Variants in DCUN1D1 observed in about 807,000 individuals in gnomAD.
The protein encoded by DCUN1D1 is DCN1-like protein 1.
In DCUN1D1, 3 loss-of-function variants were observed where a neutral mutation model predicts 39.0. That is an observed-to-expected ratio of 0.08 (90% CI 0.04 to 0.20). The LOEUF (loss-of-function observed/expected upper bound fraction) is 0.20, where lower values mean the gene tolerates loss of function less well. Ranked by LOEUF, DCUN1D1 falls within the 10% of genes least tolerant of loss-of-function variation. DCUN1D1 has a pLI of 1.00. For synonymous variants in DCUN1D1, 82 were observed against 96.3 expected (o/e 0.85, Z 0.87); for missense variants, 158 against 302.4 (o/e 0.52, Z 3.54).
chr3:182,954,782 A>C (rs919948749), intron 4 of DCUN1D1, among the ~76,000 whole-genome samples: 3 of 152,176 alleles, frequency 2.0e-5, no homozygotes, highest in African/African-American at 7.2e-5. Flanking sequence ...ACCAAAAGGC[A>C]CTTACTGAGG....
At chr3:182,979,606 C>CG (rs1476456478) in intron 1 of DCUN1D1, among the ~76,000 whole-genome samples, 1 of 147,886 alleles carries the variant, frequency 6.8e-6, no homozygotes, top group Non-Finnish European at 1.5e-5. Context: ...TTTTTCCCCC[C>CG]CCCAAACAAA....
In DCUN1D1 at chr3:182,945,169, T is replaced by A; in HGVS notation, c.705A>T (p.Ala235=). The change falls in exon 7 of 7, where the codon GCA becomes GCT. Residue 235 remains alanine (A), a synonymous_variant. Transcript: ENST00000292782. ...DDMSNYDEEG[A]WPVLIDDFVE... ...CAAAGTCATCAATAAGAACAGGCCA[T>A]GCTCCTGGAAAAAAGAAAAAATATG... is the stretch of plus-strand genomic sequence containing the variant. The A allele has an allele frequency of 6.3e-7, 1 of 1,599,604 alleles. No individual in the cohort carries two copies. The highest frequency in any genetic ancestry group is 2.2e-5 in the East Asian group (1 of 44,692).
chr3:182,946,556 CAA>C (rs71185614), intron 6 of DCUN1D1, among the ~76,000 whole-genome samples: 140 of 61,532 alleles, frequency 2.3e-3, no homozygotes, highest in African/African-American at 9.7e-3. Flanking sequence ...GACTCCATCT[CAA>C]AAAAAAAAAA....
chr3:182,981,624 T>A (rs777825256), upstream of DCUN1D1, among the ~76,000 whole-genome samples: 1 of 152,222 alleles, frequency 6.6e-6, no homozygotes, highest in South Asian at 2.1e-4. Context: ...AGAGCTTACC[T>A]ACGTTTCAGA....
At chr3:182,965,798 TAA>T in intron 1 of DCUN1D1, 45 bp from the exon 2 acceptor site, 2 of 1,290,478 alleles carry the variant, frequency 1.5e-6, no homozygotes, top group Non-Finnish European at 1.1e-6. Flanking sequence ...TAAAATCACA[TAA>T]GACTAAATAT....
intron 6 of DCUN1D1, among the ~76,000 whole-genome samples, chr3:182,945,781 A>G (rs1726366862): frequency 6.6e-6 from 1 of 152,208 alleles, no homozygotes; most frequent in Non-Finnish European, 1.5e-5. Context: ...CGTTACTAAA[A>G]GGTGTAAAAT....
chr3:182,977,943 G>C (rs750772212), intron 1 of DCUN1D1, among the ~76,000 whole-genome samples: 1 of 151,586 alleles, frequency 6.6e-6, no homozygotes, highest in Non-Finnish European at 1.5e-5. Context: ...GGGAGGCTTA[G>C]GCTGGAGAAT....
Position 182,956,234 on chromosome 3 carries a change from T to C in DCUN1D1, c.520+4992A>G, listed in dbSNP as rs568416569. On this transcript the variant is annotated intron_variant, in intron 4 of 6. Coordinates refer to ENST00000292782, the MANE Select transcript of DCUN1D1 (RefSeq NM_020640.4). ...GAGCCACCATGCCCAGTTGAACTTG[T>C]CATTTTTGAAGCTAAATATATTCTG... 54 of 283,540 alleles carry C rather than the reference T, an allele frequency of 1.9e-4. No homozygotes were observed. The South Asian group carries it at 2.3e-3, about 12-fold the overall frequency. 17.6% of individuals were successfully genotyped at this position (283,540 alleles called of 1,614,324 possible). A position where few individuals can be genotyped will look rare whatever the true frequency, so the allele number is the denominator to read the frequency against.
Position 182,969,300 on chromosome 3 carries a change from G to A in DCUN1D1, c.4-3547C>T, listed in dbSNP as rs571836467. Among the ~76,000 whole-genome samples, 4 of 152,286 alleles carry A rather than the reference G, an allele frequency of 2.6e-5. No individual in the cohort carries two copies. The South Asian group carries it at 8.3e-4, about 32-fold the overall frequency. ...CCATCCCCTTTTCCTAAGCCACAAA[G>A]GTGTACCAGGCAGTGTTCTGATTTT... On this transcript the variant is annotated intron_variant, in intron 1 of 6. Coordinates refer to ENST00000292782, the MANE Select transcript of DCUN1D1 (RefSeq NM_020640.4).
At chr3:182,956,142 G>T (rs563914923) in intron 4 of DCUN1D1, 36 of 207,232 alleles carry the variant, frequency 1.7e-4, no homozygotes, top group African/African-American at 7.7e-4. Context: ...TGGTAAGGCC[G>T]GTCTCGAACG....
At chr3:182,974,753 T>G (rs1398167954) in intron 1 of DCUN1D1, among the ~76,000 whole-genome samples, 1 of 115,926 alleles carries the variant, frequency 8.6e-6, no homozygotes, top group Non-Finnish European at 2.1e-5. Context: ...TTCAAAAGTA[T>G]AATAGACTTT....
intron 1 of DCUN1D1, 116 bp from the exon 2 acceptor site, chr3:182,965,869 A>G (rs561778205): frequency 1.5e-6 from 1 of 673,738 alleles, no homozygotes; most frequent in East Asian, 2.7e-5. Context: ...ACATTAAAAC[A>G]TTTTAGCTTA....
chr3:182,943,262 T>G lies in DCUN1D1; in HGVS notation c.*1832A>C, dbSNP rs933903613. ...ATATATATAGATATATAGATATATA[T>G]ATCTTTTAAAAATTTTTCATAATTG... On this transcript the variant is annotated 3_prime_UTR_variant, in exon 7 of 7. Transcript: ENST00000292782. The G allele has an allele frequency of 1.5e-4, 23 of 149,146 alleles. No individual in the cohort carries two copies. The highest frequency in any genetic ancestry group is 5.1e-4 in the African/African-American group (21 of 40,972). 9.2% of individuals were successfully genotyped at this position (149,146 alleles called of 1,614,324 possible).
chr3:182,963,960 T>A lies in DCUN1D1; in HGVS notation c.310A>T (p.Ile104Phe). The A allele has an allele frequency of 6.2e-7, 1 of 1,614,076 alleles. No individual in the cohort carries two copies. The highest frequency in any genetic ancestry group is 1.1e-5 in the South Asian group (1 of 91,082). Residue 104 changes from isoleucine to phenylalanine, a missense_variant, in exon 3 of 7, where the codon ATT becomes TTT. By Grantham distance (21) the Ile-to-Phe change is conservative. Coordinates refer to ENST00000292782, the MANE Select transcript of DCUN1D1 (RefSeq NM_020640.4). Reference protein sequence around the residue: ...ALDPASISVLIIAWKFRAATQ... With the variant: ...ALDPASISVLFIAWKFRAATQ... ...GCTGCTCTGAACTTCCACGCAATAATCAACACACTAATGCTGGCTGGATCG... is the reference window on the plus strand; with the variant it reads ...GCTGCTCTGAACTTCCACGCAATAAACAACACACTAATGCTGGCTGGATCG...
chr3:182,975,697 A>C (rs1007779059), intron 1 of DCUN1D1, among the ~76,000 whole-genome samples: 1 of 150,890 alleles, frequency 6.6e-6, no homozygotes, highest in African/African-American at 2.4e-5. Context: ...AAAAAAAAAA[A>C]CAAAAACAAA....
intron 1 of DCUN1D1, among the ~76,000 whole-genome samples, chr3:182,972,915 G>A (rs1728020367): frequency 6.6e-6 from 1 of 152,034 alleles, no homozygotes; most frequent in Non-Finnish European, 1.5e-5. Flanking sequence ...GGTGGCACAT[G>A]CCTGTAATCC....
intron 1 of DCUN1D1, chr3:182,980,119 G>T: frequency 1.1e-6 from 1 of 944,514 alleles, no homozygotes; most frequent in Non-Finnish European, 1.3e-6. Context: ...CAATGGAGCC[G>T]GCAGAGGGGC....
At chr3:182,975,613 G>C (rs1324496751) in intron 1 of DCUN1D1, among the ~76,000 whole-genome samples, 1 of 150,622 alleles carries the variant, frequency 6.6e-6, no homozygotes, top group Admixed American at 6.6e-5. Flanking sequence ...TATTCAGCAT[G>C]ACAAGGAAGA....
chr3:182,947,814 T>C (rs1210493181), intron 4 of DCUN1D1, among the ~76,000 whole-genome samples, 182 bp from the exon 5 acceptor site: 2 of 152,234 alleles, frequency 1.3e-5, no homozygotes, highest in Non-Finnish European at 2.9e-5. Flanking sequence ...ATCCTCCCTC[T>C]TCAAAAATGA....
Sources: allele counts gnomAD v4.1 joint callset (sites outside exome capture counted in the v4.1 genomes callset), GRCh38; gene constraint gnomAD v4.1.1; transcripts MANE v1.5; gene names NCBI Gene and HGNC (gene_info 2026-07-23, HGNC 2026-07-21).